The following OAS2 variants were observed in gnomAD, a reference collection of about 807,000 sequenced individuals.
The protein encoded by OAS2 is 2'-5'-oligoadenylate synthase 2.
A neutral mutation model predicts 71.3 loss-of-function variants in OAS2; 67 were observed. The ratio of observed to expected loss-of-function variants is 0.94; its 90% confidence interval spans 0.77 to 1.15. The LOEUF (loss-of-function observed/expected upper bound fraction) is 1.15, where lower values mean the gene tolerates loss of function less well. Ranked by LOEUF, OAS2 falls within the 50% of genes most tolerant of loss-of-function variation. The pLI is 0.00. For synonymous variants in OAS2, 327 were observed against 321.8 expected, an observed-to-expected ratio of 1.02 and a Z score of -0.17; for missense variants, 789 against 822.5, an observed-to-expected ratio of 0.96 and a Z score of 0.50.
intron 2 of OAS2, among the ~76,000 whole-genome samples, chr12:112,989,193 G>A (rs761353151): frequency 2.0e-4 from 30 of 152,264 alleles, no homozygotes; most frequent in African/African-American, 6.3e-4. Flanking sequence ...TAAATCTCAC[G>A]AGATCTGATG....
At chr12:113,006,235 T>G (rs559448764) in intron 7 of OAS2, among the ~76,000 whole-genome samples, 178 bp from the exon 8 acceptor site, 10 of 152,346 alleles carry the variant, frequency 6.6e-5, no homozygotes, top group African/African-American at 2.4e-4. Context: ...GACCACATAA[T>G]TTTTACATAT....
At chr12:112,994,581 C>T (rs1318110557) in intron 2 of OAS2, among the ~76,000 whole-genome samples, 4 of 152,032 alleles carry the variant, frequency 2.6e-5, no homozygotes, top group Non-Finnish European at 5.9e-5. Flanking sequence ...GCCACCACGC[C>T]CAGCTAATTT....
chr12:113,007,193 T>C (rs1320662695), intron 8 of OAS2, among the ~76,000 whole-genome samples: 2 of 152,190 alleles, frequency 1.3e-5, no homozygotes, highest in African/African-American at 4.8e-5. Flanking sequence ...AAGCACGATA[T>C]CAGCTCTTCC....
At chr12:112,992,094 A>T (rs1593198978) in intron 2 of OAS2, among the ~76,000 whole-genome samples, 1 of 137,186 alleles carries the variant, frequency 7.3e-6, no homozygotes, top group East Asian at 5.5e-4. Flanking sequence ...ACATATAATC[A>T]CAAACTTAAA....
At chr12:112,995,194 C>A (rs572035691) in intron 2 of OAS2, 102 bp from the exon 3 acceptor site, 9 of 1,014,686 alleles carry the variant, frequency 8.9e-6, no homozygotes, top group African/African-American at 3.3e-5. Context: ...AAGCAAGAGT[C>A]GTGTGCTATC....
chr12:113,001,455 T>C (rs1470830852), intron 5 of OAS2, among the ~76,000 whole-genome samples: 4 of 148,464 alleles, frequency 2.7e-5, no homozygotes, highest in South Asian at 4.2e-4. Context: ...TATACATATA[T>C]ACACATATAT....
At chr12:112,993,962 T>G (rs1407234058) in intron 2 of OAS2, among the ~76,000 whole-genome samples, 1 of 150,790 alleles carries the variant, frequency 6.6e-6, no homozygotes, top group Non-Finnish European at 1.5e-5. Flanking sequence ...TGTTTTTTTG[T>G]GGGGGGGGGA....
At chr12:112,991,412 G>A (rs1199373747) in intron 2 of OAS2, among the ~76,000 whole-genome samples, 1 of 152,268 alleles carries the variant, frequency 6.6e-6, no homozygotes, top group African/African-American at 2.4e-5. Flanking sequence ...CACAGCCTCA[G>A]GAAGTCCTGA....
intron 3 of OAS2, among the ~76,000 whole-genome samples, chr12:112,997,188 A>C (rs2044240708): frequency 6.6e-6 from 1 of 152,052 alleles, no homozygotes; most frequent in African/African-American, 2.4e-5. Context: ...TAGACCCTGA[A>C]CTACTGTATT....
intron 5 of OAS2, among the ~76,000 whole-genome samples, chr12:112,999,279 C>T (rs897242461): frequency 2.0e-4 from 30 of 152,308 alleles, no homozygotes; most frequent in Admixed American, 9.8e-4. Flanking sequence ...AATCTGTCAA[C>T]ACAAACTCCC....
intron 2 of OAS2, among the ~76,000 whole-genome samples, chr12:112,991,319 C>T (rs1005669575): frequency 6.6e-6 from 1 of 152,248 alleles, no homozygotes; most frequent in Non-Finnish European, 1.5e-5. Context: ...GGATTTATCA[C>T]TTTGCAAACC....
In OAS2 at chr12:113,009,656, AATC is replaced by A; in HGVS notation, c.*402_*404del. 2 of 991,936 alleles carry A rather than the reference AATC, an allele frequency of 2.0e-6. No homozygotes were observed. The highest frequency in any genetic ancestry group is 2.4e-6 in the Non-Finnish European group (2 of 834,578). 61.4% of individuals were successfully genotyped at this position (991,936 alleles called of 1,614,324 possible). On this transcript the variant is annotated 3_prime_UTR_variant, in exon 10 of 10. Coordinates refer to ENST00000392583, the MANE Select transcript of OAS2 (RefSeq NM_002535.3). The stretch of plus-strand genomic sequence containing the variant: ...CGGTGCCTCCAGATGGCAGGTTTGC[AATC>A]CAAGCAGGAAGAAGGAAAAGATACC...
At chr12:113,004,841 C>A in intron 6 of OAS2, 93 bp from the exon 7 acceptor site, 1 of 1,301,816 alleles carries the variant, frequency 7.7e-7, no homozygotes, top group Non-Finnish European at 1.1e-6. Flanking sequence ...GCCTTGGAAA[C>A]AGTGTCAGTT....
At chr12:113,005,361 T>A in intron 7 of OAS2, 139 bp downstream of exon 7, 1 of 784,502 alleles carries the variant, frequency 1.3e-6, no homozygotes, top group Non-Finnish European at 2.0e-6. Flanking sequence ...GTCATGGCAG[T>A]AATACTTCAC....
In OAS2 at chr12:112,998,377, T is replaced by G; in HGVS notation, c.975T>G (p.Asp325Glu). 2 of 1,611,298 alleles carry G rather than the reference T, an allele frequency of 1.2e-6. No individual in the cohort carries two copies. Among genetic ancestry groups the G allele is most frequent in the Non-Finnish European group, 1.7e-6 (2 of 1,179,388 alleles). Residue 325 changes from aspartate to glutamate, a missense_variant, in exon 5 of 10, where the codon GAT (aspartate) becomes GAG (glutamate). Coordinates refer to ENST00000392583, the MANE Select transcript of OAS2 (RefSeq NM_002535.3). Reference sequence around the variant, plus strand: ...CCTGGTTGACTTCTCCCAACCTGGATAATGAGTTACCTGCACCATCTTGGA... The same window carrying G: ...CCTGGTTGACTTCTCCCAACCTGGAGAATGAGTTACCTGCACCATCTTGGA... Reference protein sequence around the residue: ...AQTWLTSPNLDNELPAPSWNV... With the variant: ...AQTWLTSPNLENELPAPSWNV...
In OAS2 at chr12:113,010,514, C is replaced by G; in HGVS notation, c.*1259C>G. On this transcript the variant is annotated 3_prime_UTR_variant, in exon 10 of 10. Transcript: ENST00000392583. The stretch of plus-strand genomic sequence containing the variant: ...CATCTGGCAATCGCTTTTAAAGACT[C>G]GGCTCACCGTGAGAAAGAGTCACTC... The G allele has an allele frequency of 6.2e-7, 1 of 1,607,508 alleles. No individual in the cohort carries two copies. The highest frequency in any genetic ancestry group is 8.5e-7 in the Non-Finnish European group (1 of 1,178,302).
intron 3 of OAS2, among the ~76,000 whole-genome samples, chr12:112,997,178 T>TA (rs2136387171): frequency 6.6e-6 from 1 of 152,334 alleles, no homozygotes; most frequent in Non-Finnish European, 1.5e-5. Flanking sequence ...ACTGCTCCTG[T>TA]AGACCCTGAA....
In OAS2 at chr12:113,007,814, CAGA is replaced by C. The variant is rs746668461; in HGVS notation, c.1769_1771del (p.Glu590del). ...AGTGGAGTGCCGGATTTTGACACTG[CAGA>C]AGGTTTCCGGACAGTCCTGGAGCTG... On this transcript the variant is annotated inframe_deletion, in exon 9 of 10. Transcript: ENST00000392583. 7.4e-6 allele frequency: 12 copies of C among 1,614,062 alleles called. No individual in the cohort carries two copies. The Admixed American group carries it at 8.3e-5, about 11-fold the overall frequency.
rs1459882456 is a variant in OAS2 at position 112,978,869 on chromosome 12, C to G, written c.177+84C>G. The G allele has an allele frequency of 1.5e-6, 2 of 1,351,824 alleles. No homozygotes were observed. Among genetic ancestry groups the G allele is most frequent in the East Asian group, 4.9e-5 (2 of 41,058 alleles). 83.7% of individuals were successfully genotyped at this position (1,351,824 alleles called of 1,614,324 possible). On this transcript the variant is annotated intron_variant, in intron 1 of 9. Transcript: ENST00000392583. The surrounding 1 kb of genome is among the most constrained non-coding windows in gnomAD (Gnocchi z 4.2). ...GGCCGAGCTACTGGGTGCTGGGTGC[C>G]TATTATGTGCGAGGCCCACACTTGG... is the stretch of plus-strand genomic sequence containing the variant.
Sources: allele counts gnomAD v4.1 joint callset (sites outside exome capture counted in the v4.1 genomes callset), GRCh38; gene constraint gnomAD v4.1.1; non-coding constraint Gnocchi (gnomAD v3.1); transcripts MANE v1.5; gene names NCBI Gene and HGNC (gene_info 2026-07-23, HGNC 2026-07-21).